Variants in MACROD2 observed in about 807,000 individuals in gnomAD.
MACROD2 encodes the protein ADP-ribose glycohydrolase MACROD2.
A neutral mutation model predicts 70.4 loss-of-function variants in MACROD2; 36 were observed. The observed-to-expected ratio is 0.51, with a 90% CI of 0.39 to 0.68. The LOEUF (loss-of-function observed/expected upper bound fraction) is 0.68. Ranked by LOEUF, MACROD2 falls within the 30% of genes least tolerant of loss-of-function variation. The probability of loss-of-function intolerance (pLI) is 0.00; values close to 1 mark genes in which losing one functional copy is unlikely to be tolerated. For missense variants in MACROD2, 496 were observed against 538.4 expected (o/e 0.92, Z 0.78); for synonymous variants, 172 against 178.8 (o/e 0.96, Z 0.30).
chr20:14,645,194 T>C (rs2123499123), intron 4 of MACROD2, among the ~76,000 whole-genome samples: 1 of 152,266 alleles, frequency 6.6e-6, no homozygotes, highest in African/African-American at 2.4e-5. Flanking sequence ...GTATATTATC[T>C]AAATGCATCT....
chr20:15,878,978 A>G (rs573587796), intron 9 of MACROD2, among the ~76,000 whole-genome samples: 20 of 152,290 alleles, frequency 1.3e-4, no homozygotes, highest in Middle Eastern at 3.4e-3. Context: ...CAGGAGATAC[A>G]GTGAACAAAA....
intron 5 of MACROD2, among the ~76,000 whole-genome samples, chr20:14,996,480 C>T (rs1465000728): frequency 6.6e-6 from 1 of 152,174 alleles, no homozygotes; most frequent in Non-Finnish European, 1.5e-5. Context: ...TCCTCCTCTA[C>T]CCTTGCAGGA....
At chr20:15,375,736 T>G (rs905681570) in intron 6 of MACROD2, among the ~76,000 whole-genome samples, 1 of 152,184 alleles carries the variant, frequency 6.6e-6, no homozygotes, top group Non-Finnish European at 1.5e-5. Context: ...ATTTTATACA[T>G]TTTAGCTCAT....
At chr20:15,047,920 A>G (rs1349396094) in intron 5 of MACROD2, among the ~76,000 whole-genome samples, 1 of 152,178 alleles carries the variant, frequency 6.6e-6, no homozygotes, top group East Asian at 1.9e-4. Context: ...ATTATGGAAC[A>G]GAGTTTAGCC....
At chr20:15,799,565 G>A (rs1219762074) in intron 8 of MACROD2, among the ~76,000 whole-genome samples, 3 of 152,034 alleles carry the variant, frequency 2.0e-5, no homozygotes, top group Admixed American at 1.3e-4. Context: ...GTGTCTGGGC[G>A]ATTTCACTTA....
chr20:14,926,678 C>T (rs1322813810), intron 5 of MACROD2, among the ~76,000 whole-genome samples: 2 of 152,114 alleles, frequency 1.3e-5, no homozygotes, highest in African/African-American at 4.8e-5. Context: ...TCACAGGAGG[C>T]TGAAATCAGA....
chr20:15,139,345 C>T (rs443355), intron 5 of MACROD2, among the ~76,000 whole-genome samples: 57,706 of 151,782 alleles, frequency 0.38, 12,233 homozygotes, highest in East Asian at 0.61. Context: ...GGTTGTAAGT[C>T]GTGTAAATTG....
chr20:14,975,061 G>C (rs940488197), intron 5 of MACROD2, among the ~76,000 whole-genome samples: 1 of 151,946 alleles, frequency 6.6e-6, no homozygotes, highest in East Asian at 1.9e-4. Context: ...TTATTTAGGG[G>C]CATCCTTGGC....
At chr20:14,048,910 C>G (rs56827953) in intron 2 of MACROD2, among the ~76,000 whole-genome samples, 1 of 151,996 alleles carries the variant, frequency 6.6e-6, no homozygotes, top group Non-Finnish European at 1.5e-5. Flanking sequence ...AAATAAAATT[C>G]TAGGTGACTT....
chr20:14,263,613 G>T, intron 3 of MACROD2, among the ~76,000 whole-genome samples: 1 of 152,080 alleles, frequency 6.6e-6, no homozygotes, highest in Non-Finnish European at 1.5e-5. Flanking sequence ...AGCTCAAACA[G>T]GCCCATGACT....
intron 6 of MACROD2, among the ~76,000 whole-genome samples, chr20:15,289,782 C>A (rs1166689667): frequency 6.6e-6 from 1 of 152,204 alleles, no homozygotes; most frequent in African/African-American, 2.4e-5. Context: ...CCTCAGAGGA[C>A]TTTCTGGCTC....
intron 5 of MACROD2, among the ~76,000 whole-genome samples, chr20:14,854,616 CA>C (rs1457767041): frequency 1.3e-5 from 2 of 152,052 alleles, no homozygotes; most frequent in East Asian, 3.8e-4. Flanking sequence ...AAAACAAAAA[CA>C]AAATCCTTAA....
At chr20:15,862,406 A>G (rs964740242) in intron 8 of MACROD2, among the ~76,000 whole-genome samples, 3 of 152,206 alleles carry the variant, frequency 2.0e-5, no homozygotes, top group Non-Finnish European at 4.4e-5. Flanking sequence ...GCTGTTTTAT[A>G]GGACATAAAG....
chr20:15,836,213 T>A (rs182572546), intron 8 of MACROD2, among the ~76,000 whole-genome samples: 87 of 152,364 alleles, frequency 5.7e-4, no homozygotes, highest in African/African-American at 2.0e-3. Context: ...ATTACAGAAC[T>A]GTTTCCATTT....
At chr20:14,348,507 T>C (rs1211342572) in intron 3 of MACROD2, among the ~76,000 whole-genome samples, 1 of 151,896 alleles carries the variant, frequency 6.6e-6, no homozygotes, top group Non-Finnish European at 1.5e-5. Context: ...TGAACCTTAT[T>C]ACTTCCTTCA....
At chr20:14,845,594 A>G (rs1387325334) in intron 5 of MACROD2, among the ~76,000 whole-genome samples, 3 of 152,084 alleles carry the variant, frequency 2.0e-5, no homozygotes, top group Non-Finnish European at 4.4e-5. Flanking sequence ...TCTCCCAGCA[A>G]TGCACTTCAA....
At chr20:15,750,025 C>T (rs1030918740) in intron 8 of MACROD2, among the ~76,000 whole-genome samples, 1 of 151,910 alleles carries the variant, frequency 6.6e-6, no homozygotes, top group South Asian at 2.1e-4. Flanking sequence ...AACTAAAAAC[C>T]TTTTTCACAG....
intron 4 of MACROD2, among the ~76,000 whole-genome samples, chr20:14,636,819 G>C (rs1219163554): frequency 6.6e-6 from 1 of 152,064 alleles, no homozygotes; most frequent in Non-Finnish European, 1.5e-5. Flanking sequence ...AAATAAAATA[G>C]CTCCTGCTCT....
intron 7 of MACROD2, among the ~76,000 whole-genome samples, chr20:15,442,417 A>G (rs746207372): frequency 2.6e-5 from 4 of 152,056 alleles, no homozygotes; most frequent in Non-Finnish European, 4.4e-5. Context: ...GATTTGTTCC[A>G]CTCTGTCATT....
Sources: allele counts gnomAD v4.1 joint callset (sites outside exome capture counted in the v4.1 genomes callset), GRCh38; gene constraint gnomAD v4.1.1; transcripts MANE v1.5; gene names NCBI Gene and HGNC (gene_info 2026-07-23, HGNC 2026-07-21).